PCDHGB3: variants seen among roughly 807,000 people sequenced by gnomAD.
The protein encoded by PCDHGB3 is protocadherin gamma-B3.
PCDHGB3 carries 40 observed loss-of-function variants against 59.2 expected under a neutral mutation model. The ratio of observed to expected loss-of-function variants is 0.68; its 90% CI spans 0.52 to 0.88. The LOEUF (loss-of-function observed/expected upper bound fraction) is 0.88, where lower values mean the gene tolerates loss of function less well. Among genes scored for constraint, PCDHGB3 ranks in the 40% least tolerant of loss-of-function variants. The pLI, the probability that PCDHGB3 is intolerant of heterozygous loss-of-function variation, is 0.00. For missense variants in PCDHGB3, 1,309 were observed against 1,187.9 expected (o/e 1.10, Z -1.50); for synonymous variants, 581 against 503.6 (o/e 1.15, Z -2.06).
At position 141,370,538 on chromosome 5, in the gene PCDHGB3, G is replaced by C; in HGVS notation, c.144G>C (p.Gly48=). ...AGCTGGACAGGGGCTCGCTGGTAGG[G>C]AACCTCGCCAAGGACCTGGGGTTTG... The part of the protein sequence containing the change: ...PEELDRGSLV[G]NLAKDLGFGV... Residue 48 remains glycine, a synonymous_variant, in exon 1 of 4, where the codon GGG becomes GGC. Coordinates refer to ENST00000576222, the MANE Select transcript of PCDHGB3 (RefSeq NM_018924.5). 1 of 1,613,906 alleles carries C rather than the reference G, an allele frequency of 6.2e-7. No individual in the cohort carries two copies. Among genetic ancestry groups the C allele is most frequent in the Non-Finnish European group, 8.5e-7 (1 of 1,179,864 alleles).
At chr5:141,436,425 G>A (rs2097823674) in intron 1 of PCDHGB3, among the ~76,000 whole-genome samples, 2 of 152,268 alleles carry the variant, frequency 1.3e-5, no homozygotes, top group Non-Finnish European at 2.9e-5. Context: ...AACAAATAAT[G>A]TACTCTGGGG....
chr5:141,389,157 C>T lies in PCDHGB3; in HGVS notation c.2415+16348C>T, dbSNP rs192156139. The T allele has an allele frequency of 2.5e-6, 4 of 1,613,976 alleles. No homozygotes were observed. The East Asian group carries it at 6.7e-5, about 27-fold the overall frequency. ...CAATATAACCGTTACGGCAACAGAT[C>T]GGGGCAAGCCTCCCCTCTCCTCCAG... is the stretch of plus-strand genomic sequence containing the variant. On this transcript the variant is annotated intron_variant, in intron 1 of 3. Coordinates refer to ENST00000576222, the MANE Select transcript of PCDHGB3 (RefSeq NM_018924.5).
At chr5:141,394,893 G>A (rs769819389) in intron 1 of PCDHGB3, 7 of 1,613,858 alleles carry the variant, frequency 4.3e-6, no homozygotes, top group South Asian at 2.2e-5. Context: ...ACTCTATCTC[G>A]TGGTGGCAGT....
intron 1 of PCDHGB3, chr5:141,377,439 GA>G (rs1279056265): frequency 3.3e-5 from 5 of 151,486 alleles, no homozygotes; most frequent in Non-Finnish European, 2.9e-5. Flanking sequence ...CTACCAAAAA[GA>G]AAAAAAAGTA....
intron 1 of PCDHGB3, among the ~76,000 whole-genome samples, chr5:141,443,667 C>G (rs62379164): frequency 0.042 from 6,382 of 152,210 alleles, 168 homozygotes; most frequent in Middle Eastern, 0.088. Flanking sequence ...TTTTACTGAA[C>G]TAGTAGTTTA....
chr5:141,467,756 T>A (rs1312303182), intron 1 of PCDHGB3, among the ~76,000 whole-genome samples: 5 of 151,988 alleles, frequency 3.3e-5, no homozygotes, highest in African/African-American at 1.2e-4. Flanking sequence ...CCGCCTCACA[T>A]GCTCAAGTGC....
At chr5:141,406,446 C>T (rs1292880739) in intron 1 of PCDHGB3, among the ~76,000 whole-genome samples, 1 of 152,200 alleles carries the variant, frequency 6.6e-6, no homozygotes, top group Non-Finnish European at 1.5e-5. Flanking sequence ...TCTTCCATTT[C>T]TATGACAGGA....
rs2097400915 is a variant in PCDHGB3, at chr5:141,431,619, A to G, written c.2415+58810A>G. The stretch of plus-strand genomic sequence containing the variant: ...TATTCCTTCCGGTATGTGGACGACA[A>G]GGCGGCCCAAGTTTTCAAACTAGAT... On this transcript the variant is annotated intron_variant, in intron 1 of 3. Coordinates refer to ENST00000576222, the MANE Select transcript of PCDHGB3 (RefSeq NM_018924.5). The surrounding 1 kb of genome is among the most constrained non-coding windows in gnomAD (Gnocchi z 4.8). 3.1e-6 allele frequency: 5 copies of G among 1,614,230 alleles called. No homozygotes were observed. The highest frequency in any genetic ancestry group is 4.5e-5 in the East Asian group (2 of 44,880).
Position 141,418,384 on chromosome 5 carries a change from C to T in PCDHGB3, c.2415+45575C>T, listed in dbSNP as rs774636792. 5 of 1,613,982 alleles carry T rather than the reference C, an allele frequency of 3.1e-6. No homozygotes were observed. In the South Asian group the frequency reaches 4.4e-5, roughly 14 times the overall value. ...TGAGCAAATACCAACTAAGTCCTAA[C>T]GAGTATTTCTCATTGGTGGAGAAAG... is the stretch of plus-strand genomic sequence containing the variant. On this transcript the variant is annotated intron_variant, in intron 1 of 3. Coordinates refer to ENST00000576222, the MANE Select transcript of PCDHGB3 (RefSeq NM_018924.5).
At position 141,422,424 on chromosome 5, in the gene PCDHGB3, T is replaced by C. The variant is rs1182660567; in HGVS notation, c.2415+49615T>C. The C allele has an allele frequency of 2.5e-6, 4 of 1,608,076 alleles. No homozygotes were observed. The East Asian group carries it at 6.7e-5, about 27-fold the overall frequency. On this transcript the variant is annotated intron_variant, in intron 1 of 3. Transcript: ENST00000576222. ...TGCCTTTTAAATTAGAAAAGACTTA[T>C]GGAAATTATTACAAATTGATAACAA...
chr5:141,482,514 G>A (rs2099563611), intron 1 of PCDHGB3, among the ~76,000 whole-genome samples: 1 of 130,122 alleles, frequency 7.7e-6, no homozygotes. Flanking sequence ...CCAGAGTACA[G>A]TATGAGACAG....
chr5:141,435,290 A>G (rs2097756551), intron 1 of PCDHGB3, among the ~76,000 whole-genome samples: 1 of 152,158 alleles, frequency 6.6e-6, no homozygotes, highest in African/African-American at 2.4e-5. Context: ...ATCCCAAGTC[A>G]TTTCATGGTT....
intron 1 of PCDHGB3, among the ~76,000 whole-genome samples, chr5:141,447,275 G>A (rs2098532748): frequency 1.3e-5 from 2 of 152,154 alleles, no homozygotes; most frequent in South Asian, 2.1e-4. Context: ...AAGTAGCTGG[G>A]ACTACAGGCA....
In PCDHGB3 at chr5:141,372,707, G is replaced by C; in HGVS notation, c.2313G>C (p.Lys771Asn). 6.2e-7 allele frequency: 1 copy of C among 1,613,964 alleles called. No individual in the cohort carries two copies. Among genetic ancestry groups the C allele is most frequent in the Non-Finnish European group, 8.5e-7 (1 of 1,179,870 alleles). Residue 771 changes from lysine to asparagine, a missense_variant, in exon 1 of 4, where the codon AAG (lysine) becomes AAC (asparagine). Coordinates refer to ENST00000576222, the MANE Select transcript of PCDHGB3 (RefSeq NM_018924.5). The part of the protein sequence containing the change: ...SNTEFKFLNI[K>N]AENAAPQDLL... Reference sequence around the variant, plus strand: ...CCGAGTTTAAATTTCTCAATATAAAGGCTGAAAATGCTGCACCACAAGATC... The same window carrying C: ...CCGAGTTTAAATTTCTCAATATAAACGCTGAAAATGCTGCACCACAAGATC...
chr5:141,384,829 G>A (rs1243050988), intron 1 of PCDHGB3: 5 of 1,613,524 alleles, frequency 3.1e-6, no homozygotes, highest in Non-Finnish European at 4.2e-6. Flanking sequence ...GAGCCTCGTG[G>A]TGGCCGTCCA....
At chr5:141,374,714 G>T (rs1236113306) in intron 1 of PCDHGB3, 1 of 1,609,850 alleles carries the variant, frequency 6.2e-7, no homozygotes, top group Non-Finnish European at 8.5e-7. Flanking sequence ...TTACCGCCTG[G>T]TCCTTACTGC....
chr5:141,446,633 C>T (rs2098509543), intron 1 of PCDHGB3, among the ~76,000 whole-genome samples: 4 of 152,208 alleles, frequency 2.6e-5, no homozygotes, highest in East Asian at 1.9e-4. Flanking sequence ...TGCACCACCA[C>T]GCCTGGCTAA....
intron 1 of PCDHGB3, among the ~76,000 whole-genome samples, chr5:141,425,440 A>G (rs1438530374): frequency 2.0e-5 from 3 of 152,248 alleles, no homozygotes; most frequent in Non-Finnish European, 4.4e-5. Flanking sequence ...GAGGATAAAA[A>G]TAAAACACCA....
intron 1 of PCDHGB3, chr5:141,423,751 G>GGC: frequency 2.9e-6 from 1 of 349,040 alleles, no homozygotes; most frequent in African/African-American, 6.5e-5. Context: ...AAAACTGTTT[G>GGC]GGGGGGGGGT....
Sources: gnomAD v4.1 joint callset for allele counts (sites outside exome capture counted in the v4.1 genomes callset) on GRCh38, gnomAD v4.1.1 for gene constraint, Gnocchi (gnomAD v3.1) non-coding constraint, MANE v1.5 for transcripts, NCBI Gene and HGNC (gene_info 2026-07-23, HGNC 2026-07-21) for gene names.